The following CDH18 variants were observed in gnomAD, a reference collection of about 807,000 sequenced individuals.
The protein encoded by CDH18 is cadherin 18.
A neutral mutation model predicts 67.9 loss-of-function variants in CDH18; 31 were observed. The observed-to-expected ratio is 0.46, with a 90% CI of 0.34 to 0.62. The LOEUF is 0.62. Among genes scored for constraint, CDH18 ranks in the 20% least tolerant of loss-of-function variants. The pLI, the probability that CDH18 is intolerant of heterozygous loss-of-function variation, is 0.01. For missense variants in CDH18, 890 were observed against 975.5 expected (o/e 0.91, Z 1.17); for synonymous variants, 362 against 347.2 (o/e 1.04, Z -0.48).
Position 20,285,573 on chromosome 5 carries a change from T to C in CDH18, c.-579-30068A>G, listed in dbSNP as rs1746637352. Among the ~76,000 whole-genome samples, 3 of 151,442 alleles carry C rather than the reference T, an allele frequency of 2.0e-5. No homozygotes were observed. In the Admixed American group the frequency reaches 2.0e-4, roughly 10 times the overall value. ...CTTCCGTGTATAAATAAAGTGTATT[T>C]ATAAAGAAGAACACTGATAATTTCT... On this transcript the variant is annotated intron_variant, in intron 1 of 14. Coordinates refer to the CDH18 transcript ENST00000507958.
chr5:19,916,090 C>T (rs1402095795), intron 2 of CDH18, among the ~76,000 whole-genome samples: 1 of 152,096 alleles, frequency 6.6e-6, no homozygotes, highest in East Asian at 1.9e-4. Context: ...CTGCTTTCAC[C>T]TTGTCCCCTT....
chr5:19,870,334 T>C (rs909732099), intron 2 of CDH18, among the ~76,000 whole-genome samples: 2 of 152,124 alleles, frequency 1.3e-5, no homozygotes, highest in Admixed American at 1.3e-4. Flanking sequence ...TCTAAACTTG[T>C]TCTACTTTAT....
chr5:20,225,755 C>T (rs556209755), intron 2 of CDH18, among the ~76,000 whole-genome samples: 1 of 151,958 alleles, frequency 6.6e-6, no homozygotes, highest in Non-Finnish European at 1.5e-5. Context: ...AAAATGGATG[C>T]CTACAGAAGG....
chr5:19,598,483 G>A (rs150456841), intron 6 of CDH18, among the ~76,000 whole-genome samples: 1,628 of 151,920 alleles, frequency 0.011, 19 homozygotes, highest in Middle Eastern at 0.051. Flanking sequence ...AGAATAAATT[G>A]TTTAAAGTTT....
At chr5:19,849,756 G>A (rs1173138269) in intron 2 of CDH18, among the ~76,000 whole-genome samples, 7 of 73,008 alleles carry the variant, frequency 9.6e-5, no homozygotes, top group African/African-American at 2.3e-4. Flanking sequence ...ATATATACAC[G>A]CATATATATA....
At chr5:20,508,398 G>A (rs1317227170) in intron 1 of CDH18, among the ~76,000 whole-genome samples, 1 of 140,580 alleles carries the variant, frequency 7.1e-6, no homozygotes, top group African/African-American at 2.6e-5. Flanking sequence ...TTGCTGATAA[G>A]CTATAGTAGT....
Position 19,690,525 on chromosome 5 carries a change from TAA to T in CDH18, c.643+30820_643+30821del, listed in dbSNP as rs544345773. Among the ~76,000 whole-genome samples the T allele has an allele frequency of 2.6e-4, 39 of 151,524 alleles. No homozygotes were observed. The South Asian group carries it at 5.6e-3, about 22-fold the overall frequency. ...ATGAAAAATTTGTCTTTTAAAAAGA[TAA>T]AGTCAGTAAACCACTAGCTAAACAA... is the stretch of plus-strand genomic sequence containing the variant. On this transcript the variant is annotated intron_variant, in intron 5 of 12. Transcript: ENST00000382275.
chr5:20,221,775 A>T (rs1406797199), intron 2 of CDH18, among the ~76,000 whole-genome samples: 2 of 152,132 alleles, frequency 1.3e-5, no homozygotes, highest in Non-Finnish European at 2.9e-5. Context: ...ATAAAAATAA[A>T]AAATAAATAA....
intron 1 of CDH18, among the ~76,000 whole-genome samples, chr5:20,436,690 A>G (rs924149036): frequency 2.0e-5 from 3 of 151,354 alleles, no homozygotes; most frequent in African/African-American, 7.3e-5. Context: ...ATACATACAC[A>G]TATATATTTT....
At chr5:20,359,929 A>T (rs1228905246) in intron 1 of CDH18, among the ~76,000 whole-genome samples, 1 of 151,648 alleles carries the variant, frequency 6.6e-6, no homozygotes, top group Non-Finnish European at 1.5e-5. Context: ...TTATAGAAAT[A>T]GTGATGAAAT....
intron 1 of CDH18, among the ~76,000 whole-genome samples, chr5:20,264,246 G>A (rs1195931415): frequency 6.6e-6 from 1 of 152,026 alleles, no homozygotes; most frequent in Non-Finnish European, 1.5e-5. Flanking sequence ...TTTTGCCAGT[G>A]AAGATACTGA....
At chr5:20,391,239 C>A (rs1217812018) in intron 1 of CDH18, among the ~76,000 whole-genome samples, 1 of 151,780 alleles carries the variant, frequency 6.6e-6, no homozygotes, top group Non-Finnish European at 1.5e-5. Context: ...ACATATATAA[C>A]CTGCCTCACA....
At chr5:19,599,021 A>G (rs766401299) in intron 6 of CDH18, among the ~76,000 whole-genome samples, 2 of 152,166 alleles carry the variant, frequency 1.3e-5, no homozygotes, top group Non-Finnish European at 2.9e-5. Flanking sequence ...TTTTATCACT[A>G]AAATAATTTT....
chr5:19,834,945 T>C (rs1401234561), intron 3 of CDH18, among the ~76,000 whole-genome samples: 1 of 152,136 alleles, frequency 6.6e-6, no homozygotes, highest in Non-Finnish European at 1.5e-5. Context: ...GGTTCAACCA[T>C]TGTGGAAAAC....
At chr5:19,615,617 A>C (rs1460440458) in intron 5 of CDH18, among the ~76,000 whole-genome samples, 1 of 152,130 alleles carries the variant, frequency 6.6e-6, no homozygotes, top group Non-Finnish European at 1.5e-5. Flanking sequence ...ATGGGTTTTG[A>C]CAACTATGGC....
At chr5:20,433,245 T>TAC (rs1560997275) in intron 1 of CDH18, among the ~76,000 whole-genome samples, 5 of 151,308 alleles carry the variant, frequency 3.3e-5, no homozygotes, top group Admixed American at 2.0e-4. Context: ...TATATATATA[T>TAC]ACACATAATA....
chr5:19,758,470 G>C (rs573780287), intron 3 of CDH18, among the ~76,000 whole-genome samples: 1 of 152,348 alleles, frequency 6.6e-6, no homozygotes, highest in Admixed American at 6.5e-5. Flanking sequence ...AGCACCGTTG[G>C]ATCTACTGGG....
At chr5:20,148,561 T>C (rs1373996063) in intron 2 of CDH18, among the ~76,000 whole-genome samples, 1 of 152,140 alleles carries the variant, frequency 6.6e-6, no homozygotes, top group Non-Finnish European at 1.5e-5. Flanking sequence ...GATTCTTGTA[T>C]TTTGCCAGGT....
At chr5:19,822,977 G>C (rs533499449) in intron 3 of CDH18, among the ~76,000 whole-genome samples, 1 of 152,134 alleles carries the variant, frequency 6.6e-6, no homozygotes, top group Admixed American at 6.5e-5. Context: ...CCTCAGGGAC[G>C]CATTCTCTTT....
Sources: allele counts gnomAD v4.1 joint callset (sites outside exome capture counted in the v4.1 genomes callset), GRCh38; gene constraint gnomAD v4.1.1; transcripts MANE v1.5; gene names NCBI Gene and HGNC (gene_info 2026-07-23, HGNC 2026-07-21).